LLGL2: variants seen among roughly 807,000 people sequenced by gnomAD.
LLGL2 encodes LLGL2, scribble cell polarity complex component.
In LLGL2, 81 loss-of-function variants were observed where a neutral mutation model predicts 123.2. The ratio of observed to expected loss-of-function variants is 0.66; its 90% CI spans 0.55 to 0.79. LLGL2 has a LOEUF of 0.79. Among genes scored for constraint, LLGL2 ranks in the 30% least tolerant of loss-of-function variants. The pLI, the probability that LLGL2 is intolerant of heterozygous loss-of-function variation, is 0.00. For missense variants in LLGL2, 1,273 were observed against 1,414.6 expected, an observed-to-expected ratio of 0.90 and a Z score of 1.61; for synonymous variants, 577 against 594.1, an observed-to-expected ratio of 0.97 and a Z score of 0.42.
At chr17:75,572,338 G>A (rs1175407616) in intron 19 of LLGL2, among the ~76,000 whole-genome samples, 1 of 146,914 alleles carries the variant, frequency 6.8e-6, no homozygotes, top group Non-Finnish European at 1.5e-5. Context: ...CCAATATGGT[G>A]AAACCCTGAC....
At position 75,564,548 on chromosome 17, in the gene LLGL2, G is replaced by C. The variant is rs988713362; in HGVS notation, c.1036+41G>C. 1.2e-6 allele frequency: 2 copies of C among 1,611,328 alleles called. No homozygotes were observed. The highest frequency in any genetic ancestry group is 2.7e-5 in the African/African-American group (2 of 74,900). Reference sequence around the variant, plus strand: ...GAGTGGGTGCCCAGGGTTAGGTGTGGGAGGCATGGGGCAGGACCATCAGTA... The same window carrying C: ...GAGTGGGTGCCCAGGGTTAGGTGTGCGAGGCATGGGGCAGGACCATCAGTA... On this transcript the variant is annotated intron_variant, in intron 10 of 25. Coordinates refer to ENST00000392550, the MANE Select transcript of LLGL2 (RefSeq NM_001031803.2). This position sits in a 1 kb window ranked among gnomAD's most constrained non-coding sequence, Gnocchi z 4.9.
rs150440276 is a variant in LLGL2, at chr17:75,574,613, C to T, written c.3000C>T (p.Ser1000=). Residue 1000 remains serine, a synonymous_variant, in exon 25 of 26, where the codon AGC becomes AGT. Transcript: ENST00000392550. ...IQSTLEGDRG[S]GNWRSHRAAV... ...TCCCCTGTCTTTGCCTGTGCAGGAGCGGCAACTGGCGTTCACATCGAGCCG... is the reference window on the plus strand; with the variant it reads ...TCCCCTGTCTTTGCCTGTGCAGGAGTGGCAACTGGCGTTCACATCGAGCCG... 45 of 1,612,220 alleles carry T rather than the reference C, an allele frequency of 2.8e-5. No homozygotes were observed. The highest frequency in any genetic ancestry group is 2.0e-4 in the African/African-American group (15 of 75,016).
In LLGL2 at chr17:75,563,446, G is replaced by A. The variant is rs146449794; in HGVS notation, c.809G>A (p.Arg270His). ...GAAGCCCAGCAACCAGAGCCCCTCC[G>A]CAGCCTCGTGCCTTACGGTCAGTGT... ...SSEAQQPEPLRSLVPYGPFPC... is the reference protein window; with the variant it reads ...SSEAQQPEPLHSLVPYGPFPC... Residue 270 changes from arginine (R) to histidine (H), a missense_variant, in exon 8 of 26, where the codon CGC becomes CAC. Transcript: ENST00000392550. 35 of 1,612,420 alleles carry A rather than the reference G, an allele frequency of 2.2e-5. No homozygotes were observed. Among genetic ancestry groups the A allele is most frequent in the Non-Finnish European group, 2.5e-5 (29 of 1,180,018 alleles).
Position 75,574,933 on chromosome 17 carries a change from G to A in LLGL2, c.*55G>A, listed in dbSNP as rs373611499. 3.7e-5 allele frequency: 60 copies of A among 1,613,254 alleles called. No individual in the cohort carries two copies. Among genetic ancestry groups the A allele is most frequent in the Non-Finnish European group, 4.5e-5 (53 of 1,179,704 alleles). On this transcript the variant is annotated 3_prime_UTR_variant, in exon 26 of 26. Transcript: ENST00000392550. ...CACACACTACTACTGATGGCCTTTC[G>A]GGGGTCCCTGCCCCAACCGGAGAGG... is the stretch of plus-strand genomic sequence containing the variant.
chr17:75,569,168 G>A (rs1363265012), intron 13 of LLGL2, 37 bp downstream of exon 13: 12 of 1,612,754 alleles, frequency 7.4e-6, no homozygotes, highest in Non-Finnish European at 1.0e-5. Flanking sequence ...AAGGGCAGAG[G>A]CCAGCTGGGT....
chr17:75,539,715 C>A (rs1319997895), intron 1 of LLGL2, among the ~76,000 whole-genome samples: 1 of 151,184 alleles, frequency 6.6e-6, no homozygotes, highest in South Asian at 2.1e-4. Context: ...TCAAGTGATT[C>A]TCCTGCCTCA....
chr17:75,565,725 CCCCGCAGT>C (rs1279127386), intron 10 of LLGL2, among the ~76,000 whole-genome samples: 1 of 152,206 alleles, frequency 6.6e-6, no homozygotes, highest in Non-Finnish European at 1.5e-5. Flanking sequence ...GTCCCCAACT[CCCCGCAGT>C]CCCGCAGGCC....
rs1246246313 is a variant in LLGL2 at position 75,563,077 on chromosome 17, C to T, written c.592C>T (p.Pro198Ser). 2 of 1,613,126 alleles carry T rather than the reference C, an allele frequency of 1.2e-6. No homozygotes were observed. The highest frequency in any genetic ancestry group is 2.7e-5 in the African/African-American group (2 of 74,960). The change falls in exon 7 of 26, where the codon CCT (proline) becomes TCT (serine). Residue 198 changes from proline (P) to serine (S), a missense_variant. Pro to Ser is a moderately conservative substitution (Grantham distance 74). Transcript: ENST00000392550. ...GATGGTGGAGGCACTGCAGGAGCACCCTCGAGACCCCAACCAGATCCTGAT... is the reference window on the plus strand; with the variant it reads ...GATGGTGGAGGCACTGCAGGAGCACTCTCGAGACCCCAACCAGATCCTGAT... Reference protein sequence around the residue: ...FEMVEALQEHPRDPNQILIGY... With the variant: ...FEMVEALQEHSRDPNQILIGY...
chr17:75,572,176 G>C lies in LLGL2; in HGVS notation c.2460+112G>C, dbSNP rs571089585. The stretch of plus-strand genomic sequence containing the variant: ...TCAGTCTTGTTTGCAGTTGGTGTCT[G>C]AGGGGCTGCAGAAGTACAGGAAATA... On this transcript the variant is annotated intron_variant, in intron 19 of 25. Coordinates refer to ENST00000392550, the MANE Select transcript of LLGL2 (RefSeq NM_001031803.2). 40 of 1,066,162 alleles carry C rather than the reference G, an allele frequency of 3.8e-5. No individual in the cohort carries two copies. The South Asian group carries it at 5.3e-4, about 14-fold the overall frequency. The allele number at this position is 1,066,162 out of a possible 1,614,324, so 66.0% of individuals were successfully genotyped here. A position where few individuals can be genotyped will look rare whatever the true frequency, so the allele number is the denominator to read the frequency against.
At chr17:75,532,053 T>C (rs867707635) in intron 1 of LLGL2, among the ~76,000 whole-genome samples, 2,527 of 70,280 alleles carry the variant, frequency 0.036, 97 homozygotes, top group African/African-American at 0.095. Flanking sequence ...TATATGTATA[T>C]ATACACACAC....
intron 10 of LLGL2, among the ~76,000 whole-genome samples, chr17:75,565,336 A>C (rs552662612): frequency 7.2e-5 from 11 of 152,292 alleles, no homozygotes; most frequent in African/African-American, 2.6e-4. Context: ...TCTCCTAATG[A>C]TGCTGGCCTG....
At chr17:75,571,603 G>C (rs1487489808) in intron 17 of LLGL2, 64 bp from the exon 18 acceptor site, 26 of 1,235,724 alleles carry the variant, frequency 2.1e-5, no homozygotes, top group Non-Finnish European at 2.9e-5. Context: ...AGTAAACCCT[G>C]GTTGCCCAGC....
In LLGL2 at chr17:75,558,205, C is replaced by T. The variant is rs1382190815; in HGVS notation, c.224C>T (p.Ala75Val). ...ATGGGGCTGCACCAGGAGAACAACG[C>T]TGTGACGCAGATCCACCTCCTGCCC... is the stretch of plus-strand genomic sequence containing the variant. ...EFMGLHQENN[A>V]VTQIHLLPGQ... Residue 75 changes from alanine to valine, a missense_variant, in exon 4 of 26, where the codon GCT becomes GTT. By Grantham distance (64) the Ala-to-Val change is moderately conservative (BLOSUM62 0). Coordinates refer to ENST00000392550, the MANE Select transcript of LLGL2 (RefSeq NM_001031803.2). This position sits in a 1 kb window ranked among gnomAD's most constrained non-coding sequence, Gnocchi z 4.0. 12 of 1,613,464 alleles carry T rather than the reference C, an allele frequency of 7.4e-6. No homozygotes were observed. The African/African-American group carries it at 1.6e-4, about 22-fold the overall frequency.
At chr17:75,548,346 C>T (rs1270226837) in intron 2 of LLGL2, among the ~76,000 whole-genome samples, 1 of 150,026 alleles carries the variant, frequency 6.7e-6, no homozygotes, top group Non-Finnish European at 1.5e-5. Flanking sequence ...GGTACCATCT[C>T]AGCTCACTGC....
chr17:75,574,652 C>T lies in LLGL2; in HGVS notation c.3039C>T (p.Ser1013=), dbSNP rs759539268. ...CACATCGAGCCGCCGTGGGGTGCAG[C>T]CTCAGCAATGGCGGAGGTGGGGGCT... ...WRSHRAAVGC[S]LSNGGAE Residue 1013 remains serine (S), a synonymous_variant, in exon 25 of 26, where the codon AGC becomes AGT. Transcript: ENST00000392550. 1.7e-5 allele frequency: 27 copies of T among 1,612,058 alleles called. No individual in the cohort carries two copies. Among genetic ancestry groups the T allele is most frequent in the Non-Finnish European group, 2.3e-5 (27 of 1,179,580 alleles).
intron 2 of LLGL2, among the ~76,000 whole-genome samples, chr17:75,553,328 TC>T (rs765615830): frequency 4.6e-5 from 7 of 152,036 alleles, no homozygotes; most frequent in Non-Finnish European, 8.8e-5. Flanking sequence ...ACCCCCCGTC[TC>T]CCCCGACCTT....
In LLGL2 at chr17:75,573,113, C is replaced by A. The variant is rs547214013; in HGVS notation, c.2560C>A (p.Arg854Ser). Residue 854 changes from arginine (R) to serine (S), a missense_variant, in exon 20 of 26, where the codon CGT becomes AGT. Coordinates refer to ENST00000392550, the MANE Select transcript of LLGL2 (RefSeq NM_001031803.2). The part of the protein sequence containing the change: ...RRVSVAHFGS[R>S]RAEDYGEHHL... ...GGTCAGCGTGGCCCACTTCGGCAGT[C>A]GTCGAGCCGAGGACTACGGGGAGCA... 1 of 1,612,912 alleles carries A rather than the reference C, an allele frequency of 6.2e-7. No homozygotes were observed. The highest frequency in any genetic ancestry group is 8.5e-7 in the Non-Finnish European group (1 of 1,179,960).
chr17:75,572,991 GAAC>G lies in LLGL2; in HGVS notation c.2461-19_2461-17del. 1 of 1,584,414 alleles carries G rather than the reference GAAC, an allele frequency of 6.3e-7. No individual in the cohort carries two copies. The highest frequency in any genetic ancestry group is 2.3e-5 in the East Asian group (1 of 44,414). The stretch of plus-strand genomic sequence containing the variant: ...GGAGAACTGGTTTGGCCATGGGCAT[GAAC>G]AACCACCCCACGCCCCCAGGTGTTC... On this transcript the variant is annotated intron_variant, in intron 19 of 25. Transcript: ENST00000392550.
intron 10 of LLGL2, chr17:75,568,248 C>T: frequency 7.1e-7 from 1 of 1,415,498 alleles, no homozygotes; most frequent in Non-Finnish European, 9.2e-7. Flanking sequence ...CCAGGTGTAT[C>T]CCCCCAGGAG....
Sources: allele counts gnomAD v4.1 joint callset (sites outside exome capture counted in the v4.1 genomes callset), GRCh38; gene constraint gnomAD v4.1.1; non-coding constraint Gnocchi (gnomAD v3.1); transcripts MANE v1.5; gene names NCBI Gene and HGNC (gene_info 2026-07-23, HGNC 2026-07-21).